The following OSBP variants were observed in gnomAD, a reference collection of about 807,000 sequenced individuals.
OSBP encodes the protein oxysterol binding protein.
In OSBP, 32 loss-of-function variants were observed where a neutral mutation model predicts 96.6. The observed-to-expected ratio is 0.33, with a 90% CI of 0.25 to 0.45. OSBP has a LOEUF of 0.45. OSBP is among the 20% of genes least tolerant of loss of function. The pLI is 1.00. For missense variants in OSBP, 653 were observed against 1,029.7 expected, an observed-to-expected ratio of 0.63 and a Z score of 5.01; for synonymous variants, 369 against 389.6, an observed-to-expected ratio of 0.95 and a Z score of 0.62.
rs372575078 is a variant in OSBP, at chr11:59,601,635, C to T, written c.1021+5G>A. 3.1e-6 allele frequency: 5 copies of T among 1,612,336 alleles called. No homozygotes were observed. The highest frequency in any genetic ancestry group is 4.2e-6 in the Non-Finnish European group (5 of 1,179,948). On this transcript the variant is annotated splice_donor_5th_base_variant and intron_variant, in intron 4 of 13. Transcript: ENST00000263847. The stretch of plus-strand genomic sequence containing the variant: ...ACCAGGCTACCTGAGAGCTAAGTGT[C>T]TTACCTTTACCAGAACCCACATTGC...
At position 59,600,783 on chromosome 11, in the gene OSBP, G is replaced by A. The variant is rs375774475; in HGVS notation, c.1179+36C>T. ...AAAATCCTTGGGAATCACAACCCAC[G>A]TCCCTCACCTCTGAGATCTCCCATA... On this transcript the variant is annotated intron_variant, in intron 6 of 13. Coordinates refer to ENST00000263847, the MANE Select transcript of OSBP (RefSeq NM_002556.3). 93 of 1,578,058 alleles carry A rather than the reference G, an allele frequency of 5.9e-5. 1 individual carries two copies. Among genetic ancestry groups the A allele is most frequent in the Non-Finnish European group, 7.9e-5 (91 of 1,152,534 alleles).
At chr11:59,578,385 A>G (rs1343891771) in intron 11 of OSBP, 55 bp from the exon 12 acceptor site, 16 of 1,523,636 alleles carry the variant, frequency 1.1e-5, no homozygotes, top group Admixed American at 1.8e-5. Context: ...GAATTAGCTT[A>G]CCTGACTATA....
chr11:59,586,797 G>A (rs889368670), intron 9 of OSBP, among the ~76,000 whole-genome samples: 6 of 152,176 alleles, frequency 3.9e-5, no homozygotes, highest in African/African-American at 1.4e-4. Flanking sequence ...GGACAGGACA[G>A]TCTTTTGAAC....
At chr11:59,615,222 G>A (rs183991334) in intron 1 of OSBP, 81 bp downstream of exon 1, 71 of 1,239,100 alleles carry the variant, frequency 5.7e-5, no homozygotes, top group Admixed American at 3.8e-4. Flanking sequence ...CTGCGGTGCC[G>A]GCTGGCGGTA....
chr11:59,586,175 A>G (rs1860497310), intron 9 of OSBP, among the ~76,000 whole-genome samples: 1 of 148,244 alleles, frequency 6.7e-6, no homozygotes, highest in Non-Finnish European at 1.5e-5. Flanking sequence ...AAAAATAAAT[A>G]AAGAAAAAAA....
At chr11:59,605,025 C>T (rs571733838) in intron 3 of OSBP, among the ~76,000 whole-genome samples, 7 of 151,066 alleles carry the variant, frequency 4.6e-5, no homozygotes, top group Non-Finnish European at 8.9e-5. Context: ...TGGTAGTGTG[C>T]GCCTGTAGTC....
At chr11:59,597,068 C>A (rs1362626879) in intron 7 of OSBP, among the ~76,000 whole-genome samples, 1 of 151,744 alleles carries the variant, frequency 6.6e-6, no homozygotes, top group East Asian at 1.9e-4. Context: ...CTATTTCTTT[C>A]TTTTTTTTGA....
chr11:59,598,167 T>C (rs1195797147), intron 7 of OSBP, among the ~76,000 whole-genome samples: 4 of 152,198 alleles, frequency 2.6e-5, no homozygotes, highest in Non-Finnish European at 4.4e-5. Context: ...CATAAACCTA[T>C]TTGTTTTCCA....
rs899819502 is a variant in OSBP at position 59,577,043 on chromosome 11, G to C, written c.2061-18C>G. ...CATTCTTCCTAAAAGTAGAAGACAAGAAAAAGAAATGGTAATCCCAGAGCC... is the reference window on the plus strand; with the variant it reads ...CATTCTTCCTAAAAGTAGAAGACAACAAAAAGAAATGGTAATCCCAGAGCC... On this transcript the variant is annotated intron_variant, in intron 12 of 13. Transcript: ENST00000263847. 1.2e-6 allele frequency: 2 copies of C among 1,601,512 alleles called. No individual in the cohort carries two copies. Among genetic ancestry groups the C allele is most frequent in the Non-Finnish European group, 1.7e-6 (2 of 1,173,284 alleles).
chr11:59,612,886 C>A (rs899169698), intron 1 of OSBP, among the ~76,000 whole-genome samples: 1 of 152,158 alleles, frequency 6.6e-6, no homozygotes, highest in African/African-American at 2.4e-5. Flanking sequence ...ATCTAAGTAA[C>A]TGGGTACGTA....
At chr11:59,582,454 G>T (rs1860433141) in intron 9 of OSBP, among the ~76,000 whole-genome samples, 1 of 152,148 alleles carries the variant, frequency 6.6e-6, no homozygotes, top group Non-Finnish European at 1.5e-5. Flanking sequence ...TGATCCCATG[G>T]AGACAGGGCA....
At position 59,575,265 on chromosome 11, in the gene OSBP, G is replaced by C. The variant is rs1860348708; in HGVS notation, c.*1312C>G. On this transcript the variant is annotated 3_prime_UTR_variant, in exon 14 of 14. Transcript: ENST00000263847. The stretch of plus-strand genomic sequence containing the variant: ...AAAGAGGTTAGGATTTCATTTTCAA[G>C]AGTCAGCTAATTAGGAGAGCAGAGT... 2 of 152,216 alleles carry C rather than the reference G, an allele frequency of 1.3e-5. No individual in the cohort carries two copies. Among genetic ancestry groups the C allele is most frequent in the South Asian group, 4.1e-4 (2 of 4,830 alleles). The allele number at this position is 152,216 out of a possible 1,614,324, so 9.4% of individuals were successfully genotyped here.
rs753738134 is a variant in OSBP at position 59,594,170 on chromosome 11, C to G, written c.1397G>C (p.Cys466Ser). The change falls in exon 8 of 14, where the codon TGT (cysteine) becomes TCT (serine). Residue 466 changes from cysteine (C) to serine (S), a missense_variant. Cys to Ser is a moderately radical substitution (Grantham distance 112). This residue lies in a region of OSBP where 308 missense variants were observed against 573.1 expected (regional missense o/e 0.54). Transcript: ENST00000263847. ...YHELLDRAAKCENSLEQLCYV... is the reference protein window; with the variant it reads ...YHELLDRAAKSENSLEQLCYV... The stretch of plus-strand genomic sequence containing the variant: ...ACAGAGCTGTTCTAGAGAATTCTCA[C>G]ATTTTGCAGCTCGGTCTAACAGCTC... 3.7e-6 allele frequency: 6 copies of G among 1,614,142 alleles called. No homozygotes were observed. The South Asian group carries it at 6.6e-5, about 18-fold the overall frequency.
chr11:59,603,921 T>C (rs1420275332), intron 3 of OSBP, among the ~76,000 whole-genome samples: 1 of 152,174 alleles, frequency 6.6e-6, no homozygotes, highest in Non-Finnish European at 1.5e-5. Flanking sequence ...GGGGCATCCT[T>C]CTCTTACTTT....
rs1860618993 is a variant in OSBP at position 59,594,141 on chromosome 11, C to T, written c.1426G>A (p.Val476Ile). ...CENSLEQLCY[V>I]AAFTVSSYST... Reference sequence around the variant, plus strand: ...TAGGAGGACACGGTGAAAGCTGCAACATAACAGAGCTGTTCTAGAGAATTC... The same window carrying T: ...TAGGAGGACACGGTGAAAGCTGCAATATAACAGAGCTGTTCTAGAGAATTC... The change falls in exon 8 of 14, where the codon GTT (valine) becomes ATT (isoleucine). Residue 476 changes from valine (V) to isoleucine (I), a missense_variant. Val to Ile is a conservative substitution (Grantham distance 29). Coordinates refer to ENST00000263847, the MANE Select transcript of OSBP (RefSeq NM_002556.3). The T allele has an allele frequency of 1.9e-6, 3 of 1,614,148 alleles. No homozygotes were observed. Among genetic ancestry groups the T allele is most frequent in the Non-Finnish European group, 2.5e-6 (3 of 1,180,024 alleles).
intron 7 of OSBP, among the ~76,000 whole-genome samples, chr11:59,598,832 C>T (rs1053400251): frequency 6.6e-6 from 1 of 152,206 alleles, no homozygotes; most frequent in Non-Finnish European, 1.5e-5. Context: ...TCAAGTGATG[C>T]ACGTGCCTTG....
At chr11:59,601,494 G>A (rs1375264980) in intron 4 of OSBP, 109 bp from the exon 5 acceptor site, 1 of 1,148,190 alleles carries the variant, frequency 8.7e-7, no homozygotes, top group Admixed American at 1.8e-5. Context: ...ATGGTAGAAA[G>A]CAGTGGAAAA....
intron 2 of OSBP, among the ~76,000 whole-genome samples, 177 bp downstream of exon 2, chr11:59,610,204 G>C (rs1404013484): frequency 6.6e-6 from 1 of 152,176 alleles, no homozygotes; most frequent in Non-Finnish European, 1.5e-5. Flanking sequence ...CTGGGGAGGA[G>C]AATCAACCCT....
chr11:59,586,300 A>G (rs920549129), intron 9 of OSBP, among the ~76,000 whole-genome samples: 3 of 152,228 alleles, frequency 2.0e-5, no homozygotes, highest in Admixed American at 6.5e-5. Flanking sequence ...TAATCTGGAA[A>G]GGATATTAAG....
Sources: allele counts gnomAD v4.1 joint callset (sites outside exome capture counted in the v4.1 genomes callset), GRCh38; gene constraint gnomAD v4.1.1; regional missense constraint gnomAD v4.1.1; transcripts MANE v1.5; gene names NCBI Gene and HGNC (gene_info 2026-07-23, HGNC 2026-07-21).